SGCG: variants seen among roughly 807,000 people sequenced by gnomAD.
The protein encoded by SGCG is gamma-sarcoglycan.
In SGCG, 26 loss-of-function variants were observed where a neutral mutation model predicts 29.3. The observed-to-expected ratio is 0.89, with a 90% CI of 0.65 to 1.23. The LOEUF is 1.23. Ranked by LOEUF, SGCG falls within the 50% of genes most tolerant of loss-of-function variation. The pLI is 0.00. For missense variants in SGCG, 353 were observed against 356.0 expected (o/e 0.99, Z 0.07); for synonymous variants, 145 against 129.7 (o/e 1.12, Z -0.80).
At chr13:23,205,395 G>A (rs759971864) in intron 2 of SGCG, among the ~76,000 whole-genome samples, 7 of 152,190 alleles carry the variant, frequency 4.6e-5, no homozygotes, top group Admixed American at 1.3e-4. Flanking sequence ...GCATCAGCCT[G>A]CTGTAGGACC....
chr13:23,191,999 C>G (rs1222452637), intron 1 of SGCG, among the ~76,000 whole-genome samples: 1 of 151,806 alleles, frequency 6.6e-6, no homozygotes, highest in Non-Finnish European at 1.5e-5. Flanking sequence ...CACGGCGAAA[C>G]CCCGTCTCTA....
At chr13:23,269,843 T>TTC (rs765935285) in intron 4 of SGCG, among the ~76,000 whole-genome samples, 1 of 151,456 alleles carries the variant, frequency 6.6e-6, no homozygotes, top group Non-Finnish European at 1.5e-5. Flanking sequence ...ATTTTGTTTT[T>TTC]TTTTTTGGTT....
At chr13:23,258,203 T>A (rs1880274989) in intron 4 of SGCG, among the ~76,000 whole-genome samples, 1 of 152,234 alleles carries the variant, frequency 6.6e-6, no homozygotes, top group Admixed American at 6.5e-5. Context: ...TCCATTTGTT[T>A]GTGTCCTCTT....
At chr13:23,220,415 G>C (rs1027594565) in intron 2 of SGCG, among the ~76,000 whole-genome samples, 1 of 152,062 alleles carries the variant, frequency 6.6e-6, no homozygotes, top group African/African-American at 2.4e-5. Context: ...GCACCATTGC[G>C]CTCCAGCCTG....
At chr13:23,297,979 A>C (rs1372790796) in intron 6 of SGCG, among the ~76,000 whole-genome samples, 1 of 151,886 alleles carries the variant, frequency 6.6e-6, no homozygotes, top group Non-Finnish European at 1.5e-5. Context: ...TCCTGAGCTC[A>C]GGTGATCTGC....
intron 4 of SGCG, among the ~76,000 whole-genome samples, chr13:23,260,797 G>A (rs570610631): frequency 1.4e-4 from 21 of 151,672 alleles, no homozygotes; most frequent in African/African-American, 2.9e-4. Flanking sequence ...TTTCTCCTTC[G>A]CTTATGAAGC....
At chr13:23,304,100 C>T (rs1474749208) in intron 6 of SGCG, among the ~76,000 whole-genome samples, 6 of 152,092 alleles carry the variant, frequency 3.9e-5, no homozygotes, top group Non-Finnish European at 8.8e-5. Context: ...TACTTTTCCT[C>T]TCAATTTTTA....
intron 3 of SGCG, among the ~76,000 whole-genome samples, chr13:23,241,416 CAAG>C (rs1879509403): frequency 6.6e-6 from 1 of 151,884 alleles, no homozygotes; most frequent in South Asian, 2.1e-4. Context: ...AAGATTGAAA[CAAG>C]AAGAAACAGG....
At chr13:23,206,492 T>C (rs913581421) in intron 2 of SGCG, among the ~76,000 whole-genome samples, 5 of 152,226 alleles carry the variant, frequency 3.3e-5, no homozygotes, top group Middle Eastern at 3.2e-3. Flanking sequence ...GCAGAATTTT[T>C]TTCTTGTTTA....
the SGCG span, among the ~76,000 whole-genome samples, chr13:23,169,560 T>A: frequency 2.0e-5 from 3 of 151,978 alleles, no homozygotes; most frequent in East Asian, 1.9e-4. Context: ...ATGCCTGTAG[T>A]CCCAGCTACT....
intron 5 of SGCG, among the ~76,000 whole-genome samples, chr13:23,290,381 A>G (rs1023295182): frequency 2.6e-5 from 4 of 152,196 alleles, no homozygotes; most frequent in Non-Finnish European, 5.9e-5. Flanking sequence ...CAGAGCAGCC[A>G]CCAAAGGAGA....
At chr13:23,289,257 G>A (rs562308523) in intron 5 of SGCG, among the ~76,000 whole-genome samples, 27 of 152,304 alleles carry the variant, frequency 1.8e-4, no homozygotes, top group African/African-American at 6.3e-4. Context: ...AAAGGAACAA[G>A]AGTCCCAATT....
At chr13:23,244,711 T>C (rs779947792) in intron 3 of SGCG, 3 of 152,084 alleles carry the variant, frequency 2.0e-5, no homozygotes, top group African/African-American at 7.2e-5. Flanking sequence ...CTTAGGAGTA[T>C]GTTGTGGGCT....
chr13:23,256,329 T>C (rs1018279063), intron 4 of SGCG, among the ~76,000 whole-genome samples: 1 of 152,172 alleles, frequency 6.6e-6, no homozygotes, highest in Non-Finnish European at 1.5e-5. Context: ...TCAAAGTGTT[T>C]ATTATTAAGT....
At chr13:23,251,744 G>C (rs570410205) in intron 4 of SGCG, among the ~76,000 whole-genome samples, 10 of 152,208 alleles carry the variant, frequency 6.6e-5, no homozygotes, top group African/African-American at 2.4e-4. Context: ...TTGAAAAAAA[G>C]AGAATAAGAA....
intron 7 of SGCG, among the ~76,000 whole-genome samples, chr13:23,322,780 C>CCA (rs1566049107): frequency 1.1e-5 from 1 of 89,854 alleles, no homozygotes; most frequent in Non-Finnish European, 2.4e-5. Context: ...CTCCCCCCCC[C>CCA]CCCCCCCCCG....
intron 2 of SGCG, among the ~76,000 whole-genome samples, chr13:23,224,327 A>T (rs981173560): frequency 6.6e-6 from 1 of 152,312 alleles, no homozygotes; most frequent in South Asian, 2.1e-4. Context: ...ACTGTTCTCT[A>T]CATTATAGTA....
the SGCG span, among the ~76,000 whole-genome samples, chr13:23,160,851 C>T: frequency 6.6e-6 from 1 of 152,170 alleles, no homozygotes; most frequent in Non-Finnish European, 1.5e-5. Flanking sequence ...CCTTCCCCTG[C>T]CCCCTTGTGG....
chr13:23,215,906 T>G (rs1878408056), intron 2 of SGCG, among the ~76,000 whole-genome samples: 1 of 150,960 alleles, frequency 6.6e-6, no homozygotes, highest in African/African-American at 2.4e-5. Context: ...AAGACCAATT[T>G]GAGATGTTCA....
Sources: allele counts gnomAD v4.1 joint callset (sites outside exome capture counted in the v4.1 genomes callset), GRCh38; gene constraint gnomAD v4.1.1; transcripts MANE v1.5; gene names NCBI Gene and HGNC (gene_info 2026-07-23, HGNC 2026-07-21).